The following PRDM6 variants were observed in gnomAD, a reference collection of about 807,000 sequenced individuals.
The protein encoded by PRDM6 is PR/SET domain 6.
PRDM6 carries 25 observed loss-of-function variants against 60.8 expected under a neutral mutation model. The observed-to-expected ratio is 0.41, with a 90% CI of 0.30 to 0.57. The LOEUF is 0.57. Among genes scored for constraint, PRDM6 ranks in the 20% least tolerant of loss-of-function variants. The pLI, the probability that PRDM6 is intolerant of heterozygous loss-of-function variation, is 0.27. For missense variants in PRDM6, 839 were observed against 821.3 expected, an observed-to-expected ratio of 1.02 and a Z score of -0.26; for synonymous variants, 407 against 357.4, an observed-to-expected ratio of 1.14 and a Z score of -1.57.
rs1764941166 is a variant in PRDM6, at chr5:123,135,902, G to A, written c.901-19982G>A. 2.0e-5 allele frequency among the ~76,000 whole-genome samples: 3 copies of A among 152,094 alleles called. No individual in the cohort carries two copies. In the South Asian group the frequency reaches 6.2e-4, roughly 32 times the overall value. The stretch of plus-strand genomic sequence containing the variant: ...ATCAACATAATCACTTTAAAGTTTT[G>A]TTAGATTGTTTTGTTAACTGTCATA... On this transcript the variant is annotated intron_variant, in intron 3 of 7. Transcript: ENST00000407847.
chr5:123,102,005 T>G (rs544819472), intron 3 of PRDM6, among the ~76,000 whole-genome samples: 32 of 152,282 alleles, frequency 2.1e-4, no homozygotes, highest in African/African-American at 6.3e-4. Context: ...TTAGAGTTGG[T>G]TCTCTGTTAG....
chr5:123,094,432 T>TTCTC (rs3037346), intron 2 of PRDM6, among the ~76,000 whole-genome samples: 3,208 of 148,038 alleles, frequency 0.022, 103 homozygotes, highest in African/African-American at 0.069. Flanking sequence ...GCTTTTGTGT[T>TTCTC]TCTCTCTCTC....
intron 3 of PRDM6, among the ~76,000 whole-genome samples, chr5:123,140,123 T>A (rs1478015413): frequency 5.9e-5 from 9 of 152,172 alleles, no homozygotes; most frequent in African/African-American, 2.2e-4. Context: ...ATCATAATAA[T>A]ATCATAATTA....
At chr5:123,134,204 C>G (rs1457445013) in intron 3 of PRDM6, among the ~76,000 whole-genome samples, 1 of 152,056 alleles carries the variant, frequency 6.6e-6, no homozygotes, top group Non-Finnish European at 1.5e-5. Flanking sequence ...TAATGCTTTT[C>G]CCAGCATGAT....
At chr5:123,094,472 C>G (rs1763914590) in intron 2 of PRDM6, among the ~76,000 whole-genome samples, 2 of 150,068 alleles carry the variant, frequency 1.3e-5, no homozygotes, top group African/African-American at 4.9e-5. Flanking sequence ...TGTGTGCAAG[C>G]CCAGCCTCAT....
At chr5:123,103,540 A>T (rs113045054) in intron 3 of PRDM6, among the ~76,000 whole-genome samples, 1 of 152,088 alleles carries the variant, frequency 6.6e-6, no homozygotes, top group East Asian at 1.9e-4. Context: ...TGAGAATGAG[A>T]TAATTTTATC....
chr5:123,100,691 A>G (rs1015159009), intron 3 of PRDM6, among the ~76,000 whole-genome samples: 98 of 152,358 alleles, frequency 6.4e-4, no homozygotes, highest in African/African-American at 2.2e-3. Context: ...GTGTAACCCA[A>G]TTGAGGGTAA....
chr5:123,160,338 A>G (rs7716050), intron 5 of PRDM6, among the ~76,000 whole-genome samples: 10,650 of 152,292 alleles, frequency 0.07, 398 homozygotes, highest in African/African-American at 0.074. Context: ...GTTATTTGAA[A>G]AGTATTTTAA....
At chr5:123,117,056 A>AT in intron 3 of PRDM6, among the ~76,000 whole-genome samples, 1 of 152,204 alleles carries the variant, frequency 6.6e-6, no homozygotes, top group African/African-American at 2.4e-5. Context: ...CTATTGTGAG[A>AT]TTTTGTCTTG....
At chr5:123,147,129 T>C (rs573229246) in intron 3 of PRDM6, among the ~76,000 whole-genome samples, 1 of 152,296 alleles carries the variant, frequency 6.6e-6, no homozygotes, top group East Asian at 1.9e-4. Context: ...ATTCATTTCA[T>C]TTGTAAATTA....
At chr5:123,178,457 C>T (rs893627231) in intron 6 of PRDM6, among the ~76,000 whole-genome samples, 4 of 152,096 alleles carry the variant, frequency 2.6e-5, no homozygotes, top group Non-Finnish European at 5.9e-5. Flanking sequence ...AGAACAGATT[C>T]GGCAGGAGGA....
chr5:123,107,137 G>A (rs947957521), intron 3 of PRDM6, among the ~76,000 whole-genome samples: 7 of 152,158 alleles, frequency 4.6e-5, no homozygotes, highest in Non-Finnish European at 1.0e-4. Flanking sequence ...TACTTTTGGG[G>A]GAGGGTTTTG....
In PRDM6 at chr5:123,090,234, G is replaced by C. The variant is rs762900677; in HGVS notation, c.220G>C (p.Ala74Pro). The change falls in exon 2 of 8, where the codon GCC becomes CCC. Residue 74 changes from alanine (A) to proline (P), a missense_variant. Around this residue, in one of 2 missense-constraint regions of PRDM6, gnomAD observed 730 missense variants for 648.8 expected, o/e 1.13. Coordinates refer to ENST00000407847, the MANE Select transcript of PRDM6 (RefSeq NM_001136239.4). The stretch of plus-strand genomic sequence containing the variant: ...GCCGGACAGCCTGCGCCCGCGGCCC[G>C]CCTCTCTCTCCTCCGCCTCGTCCAC... ...PPPDSLRPRP[A>P]SLSSASSTPA... The C allele has an allele frequency of 1.7e-5, 25 of 1,476,914 alleles. No homozygotes were observed. The highest frequency in any genetic ancestry group is 2.7e-6 in the Non-Finnish European group (3 of 1,114,024). The allele number at this position is 1,476,914 out of a possible 1,614,324, so 91.5% of individuals were successfully genotyped here. A position where few individuals can be genotyped will look rare whatever the true frequency, so the allele number is the denominator to read the frequency against.
chr5:123,191,802 A>G lies in PRDM6; in HGVS notation c.*4601A>G, dbSNP rs1013367836. The G allele has an allele frequency of 2.0e-5, 3 of 152,200 alleles. No individual in the cohort carries two copies. The highest frequency in any genetic ancestry group is 4.8e-5 in the African/African-American group (2 of 41,456). The allele number at this position is 152,200 out of a possible 1,614,324, so 9.4% of individuals were successfully genotyped here. ...TCAGCCCTCCCCAAGATTGCATTCT[A>G]CAAACCCAGAGATCAGCTGTCAGGT... On this transcript the variant is annotated 3_prime_UTR_variant, in exon 8 of 8. Transcript: ENST00000407847.
chr5:123,143,231 C>A (rs1199047519), intron 3 of PRDM6, among the ~76,000 whole-genome samples: 1 of 150,614 alleles, frequency 6.6e-6, no homozygotes, highest in East Asian at 1.9e-4. Flanking sequence ...AAACTATGAA[C>A]CTTCTTCCCA....
At chr5:123,117,169 G>T (rs1580491286) in intron 3 of PRDM6, among the ~76,000 whole-genome samples, 2 of 152,264 alleles carry the variant, frequency 1.3e-5, no homozygotes, top group South Asian at 4.2e-4. Flanking sequence ...CTCCAGGACT[G>T]CCCGGCAACC....
At chr5:123,186,207 A>G (rs1766285717) in intron 7 of PRDM6, among the ~76,000 whole-genome samples, 1 of 152,222 alleles carries the variant, frequency 6.6e-6, no homozygotes, top group Non-Finnish European at 1.5e-5. Context: ...AGCCAGGGAC[A>G]ACATCCACAG....
chr5:123,127,975 G>A (rs1362368666), intron 3 of PRDM6, among the ~76,000 whole-genome samples: 1 of 151,620 alleles, frequency 6.6e-6, no homozygotes, highest in Non-Finnish European at 1.5e-5. Context: ...GTGTTCAAGT[G>A]TTCTCATTGT....
intron 3 of PRDM6, among the ~76,000 whole-genome samples, chr5:123,117,001 C>A (rs906574045): frequency 4.6e-5 from 7 of 152,148 alleles, no homozygotes; most frequent in African/African-American, 1.7e-4. Context: ...CTGGAAAATT[C>A]CTTTGTTTTG....
Sources: allele counts gnomAD v4.1 joint callset (sites outside exome capture counted in the v4.1 genomes callset), GRCh38; gene constraint gnomAD v4.1.1; regional missense constraint gnomAD v4.1.1; transcripts MANE v1.5; gene names NCBI Gene and HGNC (gene_info 2026-07-23, HGNC 2026-07-21).